Variants in ANKRD44 observed in about 807,000 individuals in gnomAD.
ANKRD44 encodes ankyrin repeat domain 44.
In ANKRD44, 35 loss-of-function variants were observed where a neutral mutation model predicts 116.0. The ratio of observed to expected loss-of-function variants is 0.30; its 90% CI spans 0.23 to 0.40. The LOEUF (loss-of-function observed/expected upper bound fraction) is 0.40. ANKRD44 is among the 10% of genes least tolerant of loss of function. The probability of loss-of-function intolerance (pLI) is 1.00; values close to 1 mark genes in which losing one functional copy is unlikely to be tolerated. For missense variants in ANKRD44, 1,014 were observed against 1,242.6 expected (o/e 0.82, Z 2.77); for synonymous variants, 435 against 461.8 (o/e 0.94, Z 0.74).
At chr2:197,132,052 C>T (rs1260969287) in intron 4 of ANKRD44, among the ~76,000 whole-genome samples, 1 of 152,172 alleles carries the variant, frequency 6.6e-6, no homozygotes, top group Non-Finnish European at 1.5e-5. Flanking sequence ...AGATGTTTCT[C>T]TAATATTTTA....
Position 197,125,734 on chromosome 2 carries a change from AT to A in ANKRD44, c.462+102del, listed in dbSNP as rs1352651220. On this transcript the variant is annotated intron_variant, in intron 5 of 27. Transcript: ENST00000282272. ...GATGCTGAAGGTTTGGTGTACAAAT[AT>A]TTTCATCACATTCTTTAAAATCTCA... 3.0e-6 allele frequency: 4 copies of A among 1,323,458 alleles called. 1 individual carries two copies. The East Asian group carries it at 9.3e-5, about 31-fold the overall frequency. The allele number at this position is 1,323,458 out of a possible 1,614,324, so 82.0% of individuals were successfully genotyped here. A position where few individuals can be genotyped will look rare whatever the true frequency, so the allele number is the denominator to read the frequency against.
intron 21 of ANKRD44, among the ~76,000 whole-genome samples, chr2:196,974,599 A>T (rs1488927728): frequency 6.6e-6 from 1 of 152,150 alleles, no homozygotes; most frequent in Admixed American, 6.5e-5. Context: ...TTAAGAAAAT[A>T]AAAAAGGAGG....
At chr2:197,088,228 T>C (rs1307723405) in intron 12 of ANKRD44, among the ~76,000 whole-genome samples, 2 of 152,238 alleles carry the variant, frequency 1.3e-5, no homozygotes, top group East Asian at 1.9e-4. Context: ...TTCTTGCCTG[T>C]CTTTTGGGTT....
Position 197,083,467 on chromosome 2 carries a change from A to T in ANKRD44, c.1359T>A (p.Cys453Ter), listed in dbSNP as rs1314924570. The change falls in exon 14 of 28, where the codon TGT becomes TGA. Residue 453 changes from cysteine to a stop codon, truncating the protein, a stop_gained. Coordinates refer to ENST00000282272, the MANE Select transcript of ANKRD44 (RefSeq NM_001195144.2). LOFTEE classifies it high-confidence loss of function. ...CCCCTGTGGTCACTAATGTCTCAATACAGTGGAAATGACAATTCGCAGCTG... is the reference window on the plus strand; with the variant it reads ...CCCCTGTGGTCACTAATGTCTCAATTCAGTGGAAATGACAATTCGCAGCTG... Reference protein sequence around the residue: ...HYAAANCHFHCIETLVTTGAN... With the variant: ...HYAAANCHFH 6.2e-7 allele frequency: 1 copy of T among 1,613,700 alleles called. No individual in the cohort carries two copies. Among genetic ancestry groups the T allele is most frequent in the African/African-American group, 1.3e-5 (1 of 74,906 alleles).
At chr2:197,231,048 T>A (rs982140350) in intron 1 of ANKRD44, among the ~76,000 whole-genome samples, 1 of 152,090 alleles carries the variant, frequency 6.6e-6, no homozygotes, top group Non-Finnish European at 1.5e-5. Context: ...AGGAGGGGAA[T>A]GAAATCAATC....
At chr2:197,004,337 A>T (rs1472866396) in intron 21 of ANKRD44, among the ~76,000 whole-genome samples, 1 of 152,204 alleles carries the variant, frequency 6.6e-6, no homozygotes, top group Non-Finnish European at 1.5e-5. Flanking sequence ...GGAAAAAAAC[A>T]TCCTAAACAA....
intron 16 of ANKRD44, among the ~76,000 whole-genome samples, chr2:197,053,495 T>TA (rs1007926799): frequency 6.6e-5 from 10 of 151,264 alleles, no homozygotes; most frequent in East Asian, 1.9e-4. Context: ...GATATCCTTC[T>TA]AAAAAAAAAT....
At chr2:197,211,630 G>T (rs914398133) in intron 1 of ANKRD44, among the ~76,000 whole-genome samples, 1 of 151,932 alleles carries the variant, frequency 6.6e-6, no homozygotes, top group Non-Finnish European at 1.5e-5. Flanking sequence ...GTGAAATCAC[G>T]CTAATCCCAT....
intron 9 of ANKRD44, among the ~76,000 whole-genome samples, chr2:197,108,865 C>CAAAAAAAAA (rs1374709755): frequency 1.4e-5 from 2 of 140,640 alleles, no homozygotes; most frequent in African/African-American, 6.5e-5. Flanking sequence ...ACAACAACAA[C>CAAAAAAAAA]AACAACAAAA....
chr2:197,272,325 G>A (rs774275566), intron 1 of ANKRD44, among the ~76,000 whole-genome samples: 10 of 152,190 alleles, frequency 6.6e-5, no homozygotes, highest in Non-Finnish European at 1.5e-4. Context: ...TGCAACCTCC[G>A]CCTCCCGGGT....
chr2:197,182,033 A>C (rs2080519637), intron 2 of ANKRD44, among the ~76,000 whole-genome samples: 1 of 152,206 alleles, frequency 6.6e-6, no homozygotes, highest in South Asian at 2.1e-4. Flanking sequence ...AGGACACAGT[A>C]AAAGTGTCCT....
chr2:196,978,914 C>A (rs371598975), intron 21 of ANKRD44, among the ~76,000 whole-genome samples: 2 of 145,442 alleles, frequency 1.4e-5, no homozygotes, highest in African/African-American at 2.5e-5. Flanking sequence ...AAAAAAAAGG[C>A]GACAAAAAAG....
chr2:197,209,092 T>G (rs913783940), intron 1 of ANKRD44, among the ~76,000 whole-genome samples: 3 of 152,230 alleles, frequency 2.0e-5, no homozygotes, highest in African/African-American at 7.2e-5. Context: ...ATTCATTTCC[T>G]TGCCTACAGT....
At chr2:197,148,706 T>C (rs1171572830) in intron 2 of ANKRD44, among the ~76,000 whole-genome samples, 1 of 152,186 alleles carries the variant, frequency 6.6e-6, no homozygotes, top group Admixed American at 6.5e-5. Flanking sequence ...TTTTAGAAAG[T>C]CTGGTAAGTA....
rs369953457 is a variant in ANKRD44, at chr2:197,275,814, C to T, written c.27+34764G>A. 3.9e-5 allele frequency among the ~76,000 whole-genome samples: 6 copies of T among 152,046 alleles called. No homozygotes were observed. In the East Asian group the frequency reaches 1.2e-3, roughly 29 times the overall value. On this transcript the variant is annotated intron_variant, in intron 1 of 27. Transcript: ENST00000282272. ...AAATTTCTTTTCATGGTGGATTGGC[C>T]CACATCCCACATGATTTTCATAAAA...
At chr2:197,262,130 G>A (rs935691877) in intron 1 of ANKRD44, among the ~76,000 whole-genome samples, 3 of 152,174 alleles carry the variant, frequency 2.0e-5, no homozygotes, top group Non-Finnish European at 4.4e-5. Context: ...CTAGCCATAC[G>A]GTAGTTCCCT....
intron 17 of ANKRD44, 28 bp downstream of exon 17, chr2:197,025,168 G>A (rs775616725): frequency 1.9e-6 from 3 of 1,596,666 alleles, no homozygotes; most frequent in South Asian, 2.2e-5. Flanking sequence ...TTTGTAACAG[G>A]TGAAGCTGCT....
chr2:197,278,071 C>G (rs137956371), intron 1 of ANKRD44, among the ~76,000 whole-genome samples: 1,899 of 152,166 alleles, frequency 0.012, 53 homozygotes, highest in African/African-American at 0.042. Context: ...GCCATCTTAA[C>G]GCAGCATCTC....
chr2:197,275,826 T>C (rs934011397), intron 1 of ANKRD44, among the ~76,000 whole-genome samples: 1 of 152,182 alleles, frequency 6.6e-6, no homozygotes, highest in African/African-American at 2.4e-5. Flanking sequence ...ACATCCCACA[T>C]GATTTTCATA....
Sources: gnomAD v4.1 joint callset for allele counts (sites outside exome capture counted in the v4.1 genomes callset) on GRCh38, gnomAD v4.1.1 for gene constraint, MANE v1.5 for transcripts, NCBI Gene and HGNC (gene_info 2026-07-23, HGNC 2026-07-21) for gene names.